The following PRR11 variants were observed in gnomAD, a reference collection of about 807,000 sequenced individuals.
The protein encoded by PRR11 is proline-rich protein 11.
Under a neutral mutation model 45.6 loss-of-function variants are expected in PRR11, and 30 were observed. The observed-to-expected ratio is 0.66, with a 90% CI of 0.49 to 0.89. The LOEUF (loss-of-function observed/expected upper bound fraction) is 0.89, where lower values mean the gene tolerates loss of function less well. PRR11 is among the 40% of genes least tolerant of loss of function. PRR11 has a pLI of 0.00. For synonymous variants in PRR11, 128 were observed against 153.5 expected (o/e 0.83, Z 1.23); for missense variants, 373 against 424.8 (o/e 0.88, Z 1.07).
intron 1 of PRR11, among the ~76,000 whole-genome samples, chr17:59,156,218 T>G (rs1374709934): frequency 6.6e-6 from 1 of 152,182 alleles, no homozygotes; most frequent in Non-Finnish European, 1.5e-5. Flanking sequence ...CTATGCACAT[T>G]AAAGTTTAAG....
chr17:59,197,892 GGGAGATT>G (rs1162167122), intron 9 of PRR11, 103 bp downstream of exon 9: 16 of 993,086 alleles, frequency 1.6e-5, no homozygotes, highest in Non-Finnish European at 2.2e-5. Context: ...GGCTGAGGTG[GGGAGATT>G]GCTTGAGCCT....
chr17:59,170,051 A>G (rs2046699798), intron 2 of PRR11, among the ~76,000 whole-genome samples, 171 bp downstream of exon 2: 1 of 152,110 alleles, frequency 6.6e-6, no homozygotes, highest in Admixed American at 6.6e-5. Context: ...TCAGGAGTTC[A>G]AGACCAGCCT....
chr17:59,193,693 C>A lies in PRR11; in HGVS notation c.604C>A (p.Pro202Thr), dbSNP rs1182215812. ...PLPPPPPPLA[P>T]VLLRKPSLAK... ...GCCACCTCCTCCACCACCACTAGCACCTGTGTTGCTCAGAAAACCCAGTCT... is the reference window on the plus strand; with the variant it reads ...GCCACCTCCTCCACCACCACTAGCAACTGTGTTGCTCAGAAAACCCAGTCT... Residue 202 changes from proline (P) to threonine (T), a missense_variant, in exon 5 of 10, where the codon CCT becomes ACT. Coordinates refer to ENST00000262293, the MANE Select transcript of PRR11 (RefSeq NM_018304.4). 6.2e-7 allele frequency: 1 copy of A among 1,614,030 alleles called. No individual in the cohort carries two copies. The highest frequency in any genetic ancestry group is 1.7e-5 in the Admixed American group (1 of 60,016).
At position 59,180,519 on chromosome 17, in the gene PRR11, G is replaced by GTTTTTTTGTT. The variant is rs1555716470; in HGVS notation, c.129-4528_129-4527insGTTTTTTTTT. On this transcript the variant is annotated intron_variant, in intron 2 of 9. Coordinates refer to ENST00000262293, the MANE Select transcript of PRR11 (RefSeq NM_018304.4). ...TTGTTTTTTTTTTTTTGTTTTTTTT[G>GTTTTTTTGTT]TTTTTTTTGCCACAGGGTCTCAGTC... Among the ~76,000 whole-genome samples, 7 of 122,928 alleles carry GTTTTTTTGTT rather than the reference G, an allele frequency of 5.7e-5. 1 individual carries two copies. Among genetic ancestry groups the GTTTTTTTGTT allele is most frequent in the African/African-American group, 2.5e-4 (7 of 27,888 alleles). 80.6% of individuals were successfully genotyped at this position (122,928 alleles called of 152,430 possible).
chr17:59,157,728 A>T (rs2046633187), intron 1 of PRR11, among the ~76,000 whole-genome samples: 1 of 152,144 alleles, frequency 6.6e-6, no homozygotes, highest in South Asian at 2.1e-4. Context: ...AAAATTCTAG[A>T]AGGACAAAGA....
At chr17:59,175,547 AG>A in intron 2 of PRR11, among the ~76,000 whole-genome samples, 1 of 152,196 alleles carries the variant, frequency 6.6e-6, no homozygotes, top group Non-Finnish European at 1.5e-5. Context: ...GGGTCGCTTG[AG>A]GCCAGGAGTT....
chr17:59,187,300 G>C (rs985201127), intron 4 of PRR11, among the ~76,000 whole-genome samples: 1 of 152,194 alleles, frequency 6.6e-6, no homozygotes, highest in East Asian at 1.9e-4. Flanking sequence ...GGGGCTGGGC[G>C]CGGTGGCTTA....
Position 59,163,938 on chromosome 17 carries a change from G to A in PRR11, c.-5-5810G>A, listed in dbSNP as rs140956807. On this transcript the variant is annotated intron_variant, in intron 1 of 9. Coordinates refer to ENST00000262293, the MANE Select transcript of PRR11 (RefSeq NM_018304.4). ...AACTTAGCCTGGCGCCGTGGCAGGC[G>A]CCTGTAATCCCAACTACTCAGGAGG... 9.5e-3 allele frequency among the ~76,000 whole-genome samples: 1,444 copies of A among 152,212 alleles called. 18 individuals are homozygous for A. The highest frequency in any genetic ancestry group is 0.012 in the Non-Finnish European group (826 of 68,008).
Position 59,193,719 on chromosome 17 carries a change from C to T in PRR11, c.630C>T (p.Leu210=), listed in dbSNP as rs1413534330. The T allele has an allele frequency of 1.2e-6, 2 of 1,613,846 alleles. No homozygotes were observed. The highest frequency in any genetic ancestry group is 3.3e-5 in the Admixed American group (2 of 60,006). The change falls in exon 5 of 10, where the codon CTC becomes CTT. Residue 210 remains leucine (L), a synonymous_variant. Transcript: ENST00000262293. ...CTGTGTTGCTCAGAAAACCCAGTCT[C>T]GCTAAAGCACTTCAGGTAGGTAACA... ...LAPVLLRKPS[L]AKALQAGPLK...
intron 2 of PRR11, among the ~76,000 whole-genome samples, chr17:59,180,747 C>A (rs1270845924): frequency 6.6e-6 from 1 of 151,336 alleles, no homozygotes; most frequent in African/African-American, 2.4e-5. Flanking sequence ...CTCAGGTGAT[C>A]CACCCGCCTC....
chr17:59,171,180 G>A (rs1403027569), intron 2 of PRR11, among the ~76,000 whole-genome samples: 2 of 152,088 alleles, frequency 1.3e-5, no homozygotes, highest in Admixed American at 6.6e-5. Flanking sequence ...GGAGAATGGC[G>A]TGAGCCCGGG....
chr17:59,179,617 G>T, intron 2 of PRR11: 1 of 1,514,574 alleles, frequency 6.6e-7, no homozygotes, highest in Non-Finnish European at 8.9e-7. Context: ...AAAAGAACAG[G>T]ATTGGAGGTG....
intron 9 of PRR11, among the ~76,000 whole-genome samples, chr17:59,199,735 T>G (rs1289956658): frequency 6.6e-6 from 1 of 152,236 alleles, no homozygotes; most frequent in Admixed American, 6.5e-5. Flanking sequence ...CACCCCAATA[T>G]TGTCTTCCTT....
At chr17:59,191,928 T>C (rs1437647628) in intron 4 of PRR11, among the ~76,000 whole-genome samples, 1 of 152,140 alleles carries the variant, frequency 6.6e-6, no homozygotes, top group African/African-American at 2.4e-5. Context: ...TGGGCCTCAG[T>C]TTCCTCCTCT....
At chr17:59,171,169 A>G (rs2046706383) in intron 2 of PRR11, among the ~76,000 whole-genome samples, 1 of 152,226 alleles carries the variant, frequency 6.6e-6, no homozygotes, top group Admixed American at 6.5e-5. Flanking sequence ...AGGCTGAAGC[A>G]GGAGAATGGC....
intron 4 of PRR11, among the ~76,000 whole-genome samples, chr17:59,186,842 A>G (rs545958932): frequency 6.6e-6 from 1 of 152,362 alleles, no homozygotes; most frequent in African/African-American, 2.4e-5. Flanking sequence ...AAAAAAGACC[A>G]ACAACTTAGC....
At chr17:59,179,934 G>T in intron 2 of PRR11, 2 of 1,283,870 alleles carry the variant, frequency 1.6e-6, no homozygotes, top group East Asian at 2.5e-5. Context: ...ACTCCTTAGA[G>T]CCAGACCCAA....
At chr17:59,198,937 T>C (rs1367959454) in intron 9 of PRR11, among the ~76,000 whole-genome samples, 3 of 152,220 alleles carry the variant, frequency 2.0e-5, no homozygotes, top group African/African-American at 7.2e-5. Flanking sequence ...AAATATTTAC[T>C]AAGCACTTCC....
intron 4 of PRR11, among the ~76,000 whole-genome samples, chr17:59,192,312 C>T (rs1367992619): frequency 1.3e-5 from 2 of 152,156 alleles, no homozygotes; most frequent in East Asian, 3.8e-4. Context: ...GAAGCTCCTA[C>T]GACACCTTGA....
Sources: gnomAD v4.1 joint callset for allele counts (sites outside exome capture counted in the v4.1 genomes callset) on GRCh38, gnomAD v4.1.1 for gene constraint, MANE v1.5 for transcripts, NCBI Gene and HGNC (gene_info 2026-07-23, HGNC 2026-07-21) for gene names.